Variants in MCM10 observed in about 807,000 individuals in gnomAD.
MCM10 encodes minichromosome maintenance 10 replication initiation factor, also known as protein MCM10 homolog.
A neutral mutation model predicts 109.9 loss-of-function variants in MCM10; 91 were observed. That is an observed-to-expected ratio of 0.83 (90% CI 0.70 to 0.99). The LOEUF (loss-of-function observed/expected upper bound fraction) is 0.99, where lower values mean the gene tolerates loss of function less well. Among genes scored for constraint, MCM10 ranks in the 50% least tolerant of loss-of-function variants. MCM10 has a pLI of 0.00. For missense variants in MCM10, 1,077 were observed against 1,061.2 expected, an observed-to-expected ratio of 1.01 and a Z score of -0.21; for synonymous variants, 380 against 387.2, an observed-to-expected ratio of 0.98 and a Z score of 0.22.
At chr10:13,207,818 C>A (rs995880617) in intron 18 of MCM10, among the ~76,000 whole-genome samples, 8 of 152,070 alleles carry the variant, frequency 5.3e-5, no homozygotes, top group Admixed American at 3.3e-4. Context: ...ATTACCCAGT[C>A]TTGGGTATGT....
At chr10:13,191,810 A>G (rs1174928141) in intron 11 of MCM10, among the ~76,000 whole-genome samples, 13 of 152,214 alleles carry the variant, frequency 8.5e-5, no homozygotes, top group African/African-American at 2.9e-4. Context: ...TACATCCAGC[A>G]TTAGAATCAG....
chr10:13,185,559 A>G (rs185017527), intron 8 of MCM10, among the ~76,000 whole-genome samples: 13 of 152,312 alleles, frequency 8.5e-5, no homozygotes, highest in Middle Eastern at 3.4e-3. Flanking sequence ...CACATAACCA[A>G]TGCTAGCTCT....
At chr10:13,166,434 G>A (rs894338070) in intron 2 of MCM10, among the ~76,000 whole-genome samples, 3 of 151,698 alleles carry the variant, frequency 2.0e-5, no homozygotes, top group Admixed American at 1.3e-4. Context: ...TCAGGAGTTC[G>A]AGACCAGCCT....
Position 13,188,867 on chromosome 10 carries a change from T to C in MCM10, c.1216-14T>C. On this transcript the variant is annotated splice_polypyrimidine_tract_variant and intron_variant, in intron 9 of 19. Coordinates refer to ENST00000378714, the MANE Select transcript of MCM10 (RefSeq NM_018518.5). Reference sequence around the variant, plus strand: ...GTTGCCCTCATCCTGATGCCACTGCTCTGCCTTTTGCAGCGTGACTGTGAG... The same window carrying C: ...GTTGCCCTCATCCTGATGCCACTGCCCTGCCTTTTGCAGCGTGACTGTGAG... The C allele has an allele frequency of 6.2e-7, 1 of 1,613,418 alleles. No individual in the cohort carries two copies. The highest frequency in any genetic ancestry group is 1.1e-5 in the South Asian group (1 of 91,052).
chr10:13,184,149 C>T (rs983537718), intron 8 of MCM10, among the ~76,000 whole-genome samples: 8 of 152,076 alleles, frequency 5.3e-5, no homozygotes, highest in Non-Finnish European at 7.4e-5. Context: ...TGAGCCACCA[C>T]GCCCAGCCTA....
In MCM10 at chr10:13,180,608, G is replaced by A; in HGVS notation, c.930+1G>A. Reference sequence around the variant, plus strand: ...GGTTACGCCACAGAGTGTGAATAGTGTAAGCCATTGTATTGGTTTCTTAGC... The same window carrying A: ...GGTTACGCCACAGAGTGTGAATAGTATAAGCCATTGTATTGGTTTCTTAGC... On this transcript the variant is annotated splice_donor_variant, in intron 7 of 19. Transcript: ENST00000378714. LOFTEE classifies it high-confidence loss of function. 2.5e-6 allele frequency: 4 copies of A among 1,613,896 alleles called. No homozygotes were observed. The highest frequency in any genetic ancestry group is 3.4e-6 in the Non-Finnish European group (4 of 1,179,948).
chr10:13,171,451 CTA>C (rs1834072331), intron 3 of MCM10, among the ~76,000 whole-genome samples, 188 bp downstream of exon 3: 1 of 152,188 alleles, frequency 6.6e-6, no homozygotes. Context: ...TCAGCACAAA[CTA>C]TAGACTCTAT....
intron 18 of MCM10, among the ~76,000 whole-genome samples, chr10:13,208,579 A>AAAG (rs1834615707): frequency 6.7e-6 from 1 of 149,044 alleles, no homozygotes; most frequent in Non-Finnish European, 1.5e-5. Flanking sequence ...AAAAAAAAAA[A>AAAG]AAAGGAAAAG....
At position 13,172,790 on chromosome 10, in the gene MCM10, C is replaced by T; in HGVS notation, c.592+25C>T. On this transcript the variant is annotated intron_variant, in intron 5 of 19. Coordinates refer to ENST00000378714, the MANE Select transcript of MCM10 (RefSeq NM_018518.5). This position sits in a 1 kb window ranked among gnomAD's most constrained non-coding sequence, Gnocchi z 5.2. ...GGTGTAGTACTTGCGGTCTCAGTAT[C>T]TTGGCACTATTGTATGTGTTTATGT... is the stretch of plus-strand genomic sequence containing the variant. The T allele has an allele frequency of 2.5e-6, 4 of 1,612,700 alleles. No homozygotes were observed. Among genetic ancestry groups the T allele is most frequent in the Non-Finnish European group, 3.4e-6 (4 of 1,179,348 alleles).
intron 13 of MCM10, among the ~76,000 whole-genome samples, chr10:13,193,069 TAG>T (rs1251817219): frequency 1.3e-5 from 2 of 152,084 alleles, no homozygotes; most frequent in Non-Finnish European, 2.9e-5. Context: ...TATTTTTTTA[TAG>T]AGACTGGGTT....
At chr10:13,163,527 C>T (rs965061281) in intron 1 of MCM10, among the ~76,000 whole-genome samples, 1 of 152,206 alleles carries the variant, frequency 6.6e-6, no homozygotes, top group Non-Finnish European at 1.5e-5. Context: ...TACGCTGTTT[C>T]TCTGTGCTTT....
chr10:13,188,741 T>C (rs905229150), intron 9 of MCM10, 140 bp from the exon 10 acceptor site: 7 of 748,942 alleles, frequency 9.3e-6, no homozygotes, highest in South Asian at 9.3e-5. Context: ...CCCTTCCACA[T>C]TGGGAACGGT....
At position 13,209,434 on chromosome 10, in the gene MCM10, C is replaced by A; in HGVS notation, c.*124C>A. 1 of 760,868 alleles carries A rather than the reference C, an allele frequency of 1.3e-6. No individual in the cohort carries two copies. The highest frequency in any genetic ancestry group is 2.2e-6 in the Non-Finnish European group (1 of 457,470). The allele number at this position is 760,868 out of a possible 1,614,324, so 47.1% of individuals were successfully genotyped here. On this transcript the variant is annotated 3_prime_UTR_variant, in exon 20 of 20. Transcript: ENST00000378714. ...CGTCAAAAACAAATGCTTGTTAAGC[C>A]CATAAGCTTTGCCTGCTTACTTTCT...
chr10:13,198,880 C>G, intron 16 of MCM10, 73 bp downstream of exon 16: 1 of 965,248 alleles, frequency 1.0e-6, no homozygotes. Flanking sequence ...GCTGTAGGAC[C>G]AAGAATGTGT....
At position 13,195,269 on chromosome 10, in the gene MCM10, G is replaced by C; in HGVS notation, c.1974G>C (p.Lys658Asn). The C allele has an allele frequency of 6.3e-7, 1 of 1,588,072 alleles. No homozygotes were observed. Among genetic ancestry groups the C allele is most frequent in the Non-Finnish European group, 8.6e-7 (1 of 1,165,274 alleles). ...TGAGTGCTTTAGCAGAAGCCAAAAA[G>C]GTAACTGGCATCTCTTCTCTTTAGC... The part of the protein sequence containing the change: ...PKLSALAEAK[K>N]LAAITKLRAK... The change falls in exon 14 of 20, where the codon AAG (lysine) becomes AAC (asparagine). Residue 658 changes from lysine (K) to asparagine (N), a missense_variant and splice_region_variant. Coordinates refer to ENST00000378714, the MANE Select transcript of MCM10 (RefSeq NM_018518.5).
rs751863559 is a variant in MCM10, at chr10:13,171,026, G to C, written c.112G>C (p.Glu38Gln). ...ENNFLTRENG[E>Q]PDAFDELFDA... ...TAACTTCTTGACGCGGGAAAATGGC[G>C]AGCCCGACGCATTTGATGAGCTCTT... is the stretch of plus-strand genomic sequence containing the variant. Residue 38 changes from glutamate (E) to glutamine (Q), a missense_variant, in exon 3 of 20, where the codon GAG becomes CAG. Coordinates refer to ENST00000378714, the MANE Select transcript of MCM10 (RefSeq NM_018518.5). The C allele has an allele frequency of 6.2e-7, 1 of 1,614,212 alleles. No individual in the cohort carries two copies. The highest frequency in any genetic ancestry group is 2.2e-5 in the East Asian group (1 of 44,888).
At chr10:13,169,922 T>C (rs1343566978) in intron 2 of MCM10, among the ~76,000 whole-genome samples, 1 of 152,092 alleles carries the variant, frequency 6.6e-6, no homozygotes, top group African/African-American at 2.4e-5. Context: ...GCCAGGCTGG[T>C]CTTGAGCTCC....
chr10:13,166,498 G>T (rs188615569), intron 2 of MCM10, among the ~76,000 whole-genome samples: 1 of 151,806 alleles, frequency 6.6e-6, no homozygotes, highest in Non-Finnish European at 1.5e-5. Context: ...AGCTGGGCGT[G>T]GTGGCACATG....
chr10:13,205,775 G>A (rs187078152), intron 18 of MCM10, among the ~76,000 whole-genome samples: 32 of 152,296 alleles, frequency 2.1e-4, no homozygotes, highest in Admixed American at 3.9e-4. Context: ...TTGGACCCAC[G>A]GATGGGATGC....
Sources: gnomAD v4.1 joint callset for allele counts (sites outside exome capture counted in the v4.1 genomes callset) on GRCh38, gnomAD v4.1.1 for gene constraint, Gnocchi (gnomAD v3.1) non-coding constraint, MANE v1.5 for transcripts, NCBI Gene and HGNC (gene_info 2026-07-23, HGNC 2026-07-21) for gene names.